Variants in TNRC18 observed in about 807,000 individuals in gnomAD.
TNRC18 encodes trinucleotide repeat containing 18.
TNRC18 carries 69 observed loss-of-function variants against 226.7 expected under a neutral mutation model. The observed-to-expected ratio is 0.30, with a 90% CI of 0.25 to 0.37. TNRC18 has a LOEUF of 0.37. Ranked by LOEUF, TNRC18 falls within the 10% of genes least tolerant of loss-of-function variation. TNRC18 has a pLI of 1.00. For synonymous variants in TNRC18, 2,449 were observed against 1,927.6 expected, an observed-to-expected ratio of 1.27 and a Z score of -7.09; for missense variants, 4,754 against 4,256.6, an observed-to-expected ratio of 1.12 and a Z score of -3.25.
intron 10 of TNRC18, 31 bp downstream of exon 10, chr7:5,374,024 T>C (rs778834065): frequency 3.4e-6 from 5 of 1,492,034 alleles, no homozygotes; most frequent in Non-Finnish European, 4.4e-6. Context: ...AGGGGCAGAG[T>C]GAGACCCTGA....
rs1377980880 is a variant in TNRC18 at position 5,376,163 on chromosome 7, G to A, written c.2670C>T (p.Arg890=). Residue 890 remains arginine, a synonymous_variant, in exon 9 of 30, where the codon CGC becomes CGT. Transcript: ENST00000430969. ...PLWPALYPPG[R]SPLHHAQQLQ... ...GCTGCTGGGCGTGGTGCAGGGGGCTGCGGCCCGGCGGGTACAGGGCGGGCC... is the reference window on the plus strand; with the variant it reads ...GCTGCTGGGCGTGGTGCAGGGGGCTACGGCCCGGCGGGTACAGGGCGGGCC... 3 of 1,576,612 alleles carry A rather than the reference G, an allele frequency of 1.9e-6. No individual in the cohort carries two copies. The East Asian group carries it at 7.0e-5, about 37-fold the overall frequency.
intron 2 of TNRC18, among the ~76,000 whole-genome samples, chr7:5,412,244 GAAAAAAAA>G (rs55864404): frequency 5.6e-5 from 4 of 71,888 alleles, no homozygotes; most frequent in East Asian, 5.7e-4. Context: ...AATTCCAAAT[GAAAAAAAA>G]AAAAAAAAAA....
chr7:5,318,517 A>C (rs1382508231), intron 24 of TNRC18, among the ~76,000 whole-genome samples: 2 of 152,154 alleles, frequency 1.3e-5, no homozygotes, highest in Non-Finnish European at 2.9e-5. Context: ...AAGTTATCCA[A>C]GTTGTGCTAC....
chr7:5,411,395 G>C (rs940900476), intron 2 of TNRC18, among the ~76,000 whole-genome samples: 1 of 150,884 alleles, frequency 6.6e-6, no homozygotes, highest in African/African-American at 2.4e-5. Context: ...ACTCACACCT[G>C]TAATCCCAGC....
rs746324685 is a variant in TNRC18 at position 5,361,934 on chromosome 7, G to A, written c.4495C>T (p.Arg1499Cys). 70 of 1,604,830 alleles carry A rather than the reference G, an allele frequency of 4.4e-5. No homozygotes were observed. Among genetic ancestry groups the A allele is most frequent in the Non-Finnish European group, 5.3e-5 (62 of 1,176,748 alleles). The part of the protein sequence containing the change: ...EVQRQYKEKQ[R>C]ELVKLQRRRD... ...CGGCGCTGCAGCTTCACCAGCTCAC[G>A]CTGCTTCTCCTTGTACTGGCGCTGC... Residue 1499 changes from arginine (R) to cysteine (C), a missense_variant, in exon 13 of 30, where the codon CGT becomes TGT. Transcript: ENST00000430969.
At position 5,388,643 on chromosome 7, in the gene TNRC18, G is replaced by A. The variant is rs1648312525; in HGVS notation, c.1181C>T (p.Ala394Val). The change falls in exon 5 of 30, where the codon GCG (alanine) becomes GTG (valine). Residue 394 changes from alanine to valine, a missense_variant. Ala to Val is a moderately conservative substitution (Grantham distance 64). Coordinates refer to ENST00000430969, the MANE Select transcript of TNRC18 (RefSeq NM_001080495.3). ...GCGCTCGCGGGCCCGGGCATCGCGCGCCTGGGATGCGATCTGGATGGGCCC... is the reference window on the plus strand; with the variant it reads ...GCGCTCGCGGGCCCGGGCATCGCGCACCTGGGATGCGATCTGGATGGGCCC... ...RPGPIQIASQ[A>V]RDARAREREA... 2.4e-6 allele frequency: 3 copies of A among 1,276,336 alleles called. No homozygotes were observed. Among genetic ancestry groups the A allele is most frequent in the Non-Finnish European group, 3.0e-6 (3 of 1,010,160 alleles). 79.1% of individuals were successfully genotyped at this position (1,276,336 alleles called of 1,614,324 possible). A position where few individuals can be genotyped will look rare whatever the true frequency, so the allele number is the denominator to read the frequency against.
At chr7:5,314,953 C>T in intron 26 of TNRC18, 31 bp downstream of exon 26, 1 of 1,581,028 alleles carries the variant, frequency 6.3e-7, no homozygotes, top group Admixed American at 1.8e-5. Flanking sequence ...GATCCGCCCA[C>T]CGCCCTGCCC....
At chr7:5,397,998 TTG>T (rs1324213229) in intron 2 of TNRC18, among the ~76,000 whole-genome samples, 1 of 151,962 alleles carries the variant, frequency 6.6e-6, no homozygotes, top group Admixed American at 6.6e-5. Flanking sequence ...TGCACGAGTG[TTG>T]TTTCTTTTTT....
Position 5,414,244 on chromosome 7 carries a change from CCTCA to C in TNRC18, c.187+6812_187+6815del, listed in dbSNP as rs560623466. Among the ~76,000 whole-genome samples the C allele has an allele frequency of 3.0e-3, 454 of 151,894 alleles. 2 individuals are homozygous for C. The highest frequency in any genetic ancestry group is 0.01 in the African/African-American group (420 of 41,446). ...TTACAGGCATGAACCCCGTGCCCAG[CCTCA>C]CTGTCTTTTTTGATATGATACTTGA... On this transcript the variant is annotated intron_variant, in intron 2 of 29. Coordinates refer to ENST00000430969, the MANE Select transcript of TNRC18 (RefSeq NM_001080495.3).
intron 2 of TNRC18, among the ~76,000 whole-genome samples, chr7:5,402,166 G>A (rs36094118): frequency 1.6e-4 from 21 of 133,144 alleles, no homozygotes; most frequent in African/African-American, 4.7e-4. Context: ...GCAACACAGC[G>A]AGACTCTGTC....
chr7:5,350,158 A>C (rs1791637779), intron 17 of TNRC18, among the ~76,000 whole-genome samples: 1 of 151,704 alleles, frequency 6.6e-6, no homozygotes, highest in South Asian at 2.1e-4. Flanking sequence ...GGAGAAGGGG[A>C]TCGTAAACTA....
intron 2 of TNRC18, among the ~76,000 whole-genome samples, chr7:5,398,314 G>C (rs1288354177): frequency 2.0e-5 from 3 of 152,078 alleles, no homozygotes; most frequent in Admixed American, 1.3e-4. Flanking sequence ...GGGATTACAG[G>C]TATACCCCAC....
Position 5,332,827 on chromosome 7 carries a change from C to G in TNRC18, c.5942G>C (p.Gly1981Ala). ...GCTGGCCTCGGGCCCCGCCTCGAAG[C>G]CAGGCTCCTTGGGGCCCCGCAGCTT... ...ARKLRGPKEPGFEAGPEASDD... is the reference protein window; with the variant it reads ...ARKLRGPKEPAFEAGPEASDD... The change falls in exon 19 of 30, where the codon GGC (glycine) becomes GCC (alanine). Residue 1981 changes from glycine (G) to alanine (A), a missense_variant. Coordinates refer to ENST00000430969, the MANE Select transcript of TNRC18 (RefSeq NM_001080495.3). 2 of 1,508,826 alleles carry G rather than the reference C, an allele frequency of 1.3e-6. No homozygotes were observed. The highest frequency in any genetic ancestry group is 1.8e-6 in the Non-Finnish European group (2 of 1,137,668). The allele number at this position is 1,508,826 out of a possible 1,614,324, so 93.5% of individuals were successfully genotyped here.
At chr7:5,409,606 T>C (rs1166143523) in intron 2 of TNRC18, among the ~76,000 whole-genome samples, 1 of 150,930 alleles carries the variant, frequency 6.6e-6, no homozygotes, top group Admixed American at 6.6e-5. Flanking sequence ...TAATAATAAT[T>C]AAATCGAAAG....
rs1794428343 is a variant in TNRC18 at position 5,374,296 on chromosome 7, G to A, written c.2988C>T (p.Pro996=). 7 of 1,457,748 alleles carry A rather than the reference G, an allele frequency of 4.8e-6. No individual in the cohort carries two copies. Among genetic ancestry groups the A allele is most frequent in the Non-Finnish European group, 6.3e-6 (7 of 1,108,762 alleles). 90.3% of individuals were successfully genotyped at this position (1,457,748 alleles called of 1,614,324 possible). Residue 996 remains proline, a synonymous_variant, in exon 10 of 30, where the codon CCC becomes CCT. Transcript: ENST00000430969. ...YGKAVSPPPS[P]RASPVAALKA... is the part of the protein sequence containing the mutation. ...TCAGGGCAGCCACAGGGGATGCGCG[G>A]GGTGATGGTGGCGGGCTCACGGCCT...
chr7:5,319,665 C>A (rs1290418458), intron 24 of TNRC18, among the ~76,000 whole-genome samples: 8 of 152,122 alleles, frequency 5.3e-5, no homozygotes. Context: ...CCTGCCACCA[C>A]GCCCGGCTAA....
intron 15 of TNRC18, among the ~76,000 whole-genome samples, 152 bp from the exon 16 acceptor site, chr7:5,357,428 T>C (rs553446094): frequency 6.6e-6 from 1 of 152,086 alleles, no homozygotes; most frequent in African/African-American, 2.4e-5. Context: ...ATTTTTTTTT[T>C]AGAGACGGAG....
chr7:5,374,821 A>G (rs562307334), intron 9 of TNRC18, among the ~76,000 whole-genome samples: 2 of 152,352 alleles, frequency 1.3e-5, no homozygotes, highest in East Asian at 3.9e-4. Context: ...GATGGGGGGC[A>G]CAAGGCCCCA....
chr7:5,419,004 C>T (rs1027715302), intron 2 of TNRC18, among the ~76,000 whole-genome samples: 2 of 152,196 alleles, frequency 1.3e-5, no homozygotes, highest in Non-Finnish European at 2.9e-5. Flanking sequence ...TTCAAGGGGG[C>T]GGCAGCTGTC....
Sources: gnomAD v4.1 joint callset for allele counts (sites outside exome capture counted in the v4.1 genomes callset) on GRCh38, gnomAD v4.1.1 for gene constraint, MANE v1.5 for transcripts, NCBI Gene and HGNC (gene_info 2026-07-23, HGNC 2026-07-21) for gene names.